Variants in RDX observed in about 807,000 individuals in gnomAD.
RDX encodes deafness, autosomal recessive 24.
A neutral mutation model predicts 83.7 loss-of-function variants in RDX; 32 were observed. That is an observed-to-expected ratio of 0.38 (90% CI 0.29 to 0.51). The LOEUF is 0.51. RDX is among the 20% of genes least tolerant of loss of function. The pLI is 0.87. For missense variants in RDX, 600 were observed against 689.9 expected (o/e 0.87, Z 1.46); for synonymous variants, 229 against 222.7 (o/e 1.03, Z -0.25).
chr11:110,215,042 A>G (rs1316036349), intron 14 of RDX, among the ~76,000 whole-genome samples: 1 of 89,796 alleles, frequency 1.1e-5, no homozygotes, highest in Non-Finnish European at 2.4e-5. Flanking sequence ...CTAACAAAAA[A>G]AAAAAAAATA....
rs763870351 is a variant in RDX, at chr11:110,264,081, A to G, written c.346T>C (p.Tyr116His). The G allele has an allele frequency of 6.2e-7, 1 of 1,613,822 alleles. No individual in the cohort carries two copies. The highest frequency in any genetic ancestry group is 1.3e-5 in the African/African-American group (1 of 74,910). ...VKEAILNDEI[Y>H]CPPETAVLLA... ...AGAACTGCAGTTTCTGGCGGGCAAT[A>G]TATCTCATCATTTAAGATGGCTTCT... is the stretch of plus-strand genomic sequence containing the variant. Residue 116 changes from tyrosine to histidine, a missense_variant, in exon 5 of 14, where the codon TAT becomes CAT. Physicochemically the swap from Tyr to His is moderately conservative, Grantham distance 83. Coordinates refer to ENST00000645495, the MANE Select transcript of RDX (RefSeq NM_002906.4).
intron 15 of RDX, among the ~76,000 whole-genome samples, chr11:110,191,852 C>A (rs1863109329): frequency 6.6e-6 from 1 of 151,932 alleles, no homozygotes; most frequent in African/African-American, 2.4e-5. Context: ...GAGACTCTGT[C>A]TCAAAATAAA....
downstream of RDX, among the ~76,000 whole-genome samples, chr11:110,225,042 C>A (rs561469012): frequency 6.6e-6 from 1 of 152,306 alleles, no homozygotes; most frequent in East Asian, 1.9e-4. Context: ...CAAACCACTC[C>A]AGCTTTATCA....
At chr11:110,184,415 C>T (rs957282759) in intron 15 of RDX, among the ~76,000 whole-genome samples, 3 of 151,992 alleles carry the variant, frequency 2.0e-5, no homozygotes, top group Non-Finnish European at 2.9e-5. Flanking sequence ...GTAGGGAAAT[C>T]CAGGTCCCTG....
At chr11:110,180,994 T>C (rs1862876140) in intron 15 of RDX, among the ~76,000 whole-genome samples, 1 of 152,140 alleles carries the variant, frequency 6.6e-6, no homozygotes, top group Non-Finnish European at 1.5e-5. Context: ...AGGGCCTTGG[T>C]TGATTTGTTT....
downstream of RDX, among the ~76,000 whole-genome samples, chr11:110,227,742 T>C (rs1473901628): frequency 2.6e-5 from 4 of 152,114 alleles, no homozygotes; most frequent in Non-Finnish European, 4.4e-5. Context: ...TAAAAATGTA[T>C]TGGCTAAATG....
chr11:110,271,440 G>T (rs1591173421), intron 3 of RDX, among the ~76,000 whole-genome samples: 2 of 152,240 alleles, frequency 1.3e-5, no homozygotes, highest in South Asian at 4.1e-4. Flanking sequence ...TGCCACACAT[G>T]ATATATACCA....
chr11:110,179,898 TTTTTC>T (rs1357794699), intron 15 of RDX: 298 of 387,750 alleles, frequency 7.7e-4, no homozygotes, highest in South Asian at 3.6e-3. Flanking sequence ...TTCTTTTTCT[TTTTTC>T]TTTTTTTTTT....
intron 12 of RDX, among the ~76,000 whole-genome samples, chr11:110,234,326 C>T (rs942880952): frequency 9.9e-5 from 15 of 152,152 alleles, no homozygotes; most frequent in Non-Finnish European, 1.6e-4. Flanking sequence ...AGAGAAACTG[C>T]CCTCCATTAA....
chr11:110,280,767 G>C (rs768020078), intron 1 of RDX, among the ~76,000 whole-genome samples: 32 of 152,336 alleles, frequency 2.1e-4, no homozygotes, highest in Non-Finnish European at 2.8e-4. Context: ...GGCTGAAGCT[G>C]CAGTGAGCGG....
intron 3 of RDX, among the ~76,000 whole-genome samples, chr11:110,267,243 G>C (rs1443367029): frequency 6.6e-6 from 1 of 152,108 alleles, no homozygotes; most frequent in Non-Finnish European, 1.5e-5. Flanking sequence ...TGGCAGGGCA[G>C]GGTGGCTCAC....
At chr11:110,264,923 A>G (rs747620874) in intron 3 of RDX, 49 bp from the exon 4 acceptor site, 2 of 1,343,026 alleles carry the variant, frequency 1.5e-6, no homozygotes, top group South Asian at 2.4e-5. Flanking sequence ...CAACATACAC[A>G]TTGTGTCTAG....
At chr11:110,283,747 A>T (rs1860861472) in intron 1 of RDX, among the ~76,000 whole-genome samples, 1 of 152,176 alleles carries the variant, frequency 6.6e-6, no homozygotes. Flanking sequence ...AGACTTGAAA[A>T]AAATTATAGT....
chr11:110,206,531 G>A lies in RDX; in HGVS notation c.1749-6853C>T, dbSNP rs144884858. Among the ~76,000 whole-genome samples, 1,041 of 152,146 alleles carry A rather than the reference G, an allele frequency of 6.8e-3. 19 individuals are homozygous for A. The highest frequency in any genetic ancestry group is 0.022 in the African/African-American group (922 of 41,498). ...ACACAGATAGTAAAAGCTAAGAAAC[G>A]GATGACGTGATGGAGAGGAACATGC... On this transcript the variant is annotated intron_variant, in intron 14 of 15. Coordinates refer to the RDX transcript ENST00000528498.
chr11:110,192,196 C>T (rs1470420619), intron 15 of RDX, among the ~76,000 whole-genome samples: 7 of 152,088 alleles, frequency 4.6e-5, no homozygotes, highest in African/African-American at 9.7e-5. Flanking sequence ...GACACACAGA[C>T]CAATGGAACA....
At chr11:110,211,988 G>A (rs1344860418) in intron 14 of RDX, among the ~76,000 whole-genome samples, 2 of 141,174 alleles carry the variant, frequency 1.4e-5, no homozygotes, top group East Asian at 4.2e-4. Context: ...TAAAATCAGA[G>A]CAGAACTGAA....
At chr11:110,292,077 G>A (rs1591192816) in intron 1 of RDX, among the ~76,000 whole-genome samples, 1 of 152,154 alleles carries the variant, frequency 6.6e-6, no homozygotes, top group East Asian at 1.9e-4. Context: ...CAGATCACTT[G>A]AGGTCAGGAG....
chr11:110,245,075 C>T (rs1455232296), intron 10 of RDX, among the ~76,000 whole-genome samples: 3 of 151,702 alleles, frequency 2.0e-5, no homozygotes, highest in Non-Finnish European at 4.4e-5. Flanking sequence ...AGTGATTCTC[C>T]TGCCTCGGCC....
intron 10 of RDX, among the ~76,000 whole-genome samples, chr11:110,239,766 TG>T (rs1235083688): frequency 6.0e-5 from 9 of 151,218 alleles, no homozygotes; most frequent in African/African-American, 2.2e-4. Flanking sequence ...CCCAGTTACT[TG>T]GGTGGCAGAG....
Sources: gnomAD v4.1 joint callset for allele counts (sites outside exome capture counted in the v4.1 genomes callset) on GRCh38, gnomAD v4.1.1 for gene constraint, MANE v1.5 for transcripts, NCBI Gene and HGNC (gene_info 2026-07-23, HGNC 2026-07-21) for gene names.